OR10R2: variants seen among roughly 807,000 people sequenced by gnomAD.
OR10R2 encodes the protein olfactory receptor family 10 subfamily R member 2, also known as olfactory receptor 10R2.
Under a neutral mutation model 2.4 loss-of-function variants are expected in OR10R2, and 1 was observed. That is an observed-to-expected ratio of 0.41 (90% CI 0.15 to 1.95). The LOEUF is 1.95. Among genes scored for constraint, OR10R2 ranks in the 30% most tolerant of loss-of-function variants. The probability of loss-of-function intolerance (pLI) is 0.30; values close to 1 mark genes in which losing one functional copy is unlikely to be tolerated. For synonymous variants in OR10R2, 166 were observed against 144.8 expected (o/e 1.15, Z -1.05); for missense variants, 419 against 373.0 (o/e 1.12, Z -1.01).
At chr1:158,474,174 C>G (rs1656228268) in intron 1 of OR10R2, among the ~76,000 whole-genome samples, 1 of 151,906 alleles carries the variant, frequency 6.6e-6, no homozygotes, top group Non-Finnish European at 1.5e-5. Context: ...TTTCAACACC[C>G]ACCTTACCAT....
At chr1:158,476,847 T>C (rs1418918146) in intron 1 of OR10R2, among the ~76,000 whole-genome samples, 1 of 152,196 alleles carries the variant, frequency 6.6e-6, no homozygotes, top group Non-Finnish European at 1.5e-5. Flanking sequence ...ATGAGCATTT[T>C]TCATAAGTTT....
At chr1:158,480,262 A>G (rs781351970) in exon 2 of OR10R2, 2 of 1,614,046 alleles carry the variant, frequency 1.2e-6, no homozygotes, top group South Asian at 2.2e-5. Flanking sequence ...TGGTTTTGCC[A>G]TTACCAACTG....
chr1:158,480,194 T>C, exon 2 of OR10R2: 1 of 1,614,096 alleles, frequency 6.2e-7, no homozygotes, highest in Admixed American at 1.7e-5. Context: ...ATCAATCTAC[T>C]TTCTGTGGCC....
At chr1:158,473,790 CTTTCCCTCTCTGCTTCCTT>C (rs1557874992) in intron 1 of OR10R2, among the ~76,000 whole-genome samples, 12 of 53,056 alleles carry the variant, frequency 2.3e-4, no homozygotes, top group South Asian at 1.2e-3. Flanking sequence ...CTCCTTCCCT[CTTTCCCTCTCTGCTTCCTT>C]CCTCCCTCCT....
intron 1 of OR10R2, among the ~76,000 whole-genome samples, chr1:158,479,317 G>T (rs939689622): frequency 6.6e-6 from 1 of 152,134 alleles, no homozygotes; most frequent in Admixed American, 6.6e-5. Context: ...AATTTGGTCA[G>T]AATTGCTCTT....
exon 2 of OR10R2, chr1:158,480,406 C>T: frequency 6.2e-7 from 1 of 1,614,102 alleles, no homozygotes; most frequent in Non-Finnish European, 8.5e-7. Flanking sequence ...CTTGGCCTCT[C>T]TTACAGTAGT....
At chr1:158,480,702 T>C (rs982346684) in exon 2 of OR10R2, 1 of 1,613,408 alleles carries the variant, frequency 6.2e-7, no homozygotes. Flanking sequence ...ATGGCTGTGC[T>C]TCCTTCATCT....
exon 2 of OR10R2, chr1:158,480,608 C>A (rs1355985946): frequency 6.2e-7 from 1 of 1,613,582 alleles, no homozygotes; most frequent in East Asian, 2.2e-5. Context: ...ATTCTGAGGA[C>A]TATCCTGAAG....
intron 1 of OR10R2, among the ~76,000 whole-genome samples, chr1:158,478,687 A>G (rs1158815600): frequency 6.6e-6 from 1 of 152,176 alleles, no homozygotes; most frequent in Non-Finnish European, 1.5e-5. Flanking sequence ...TATTTAAGGC[A>G]TGCTGGACTC....
rs147621561 is a variant in OR10R2 at position 158,480,762 on chromosome 1, G to A, written c.852G>A (p.Thr284=). ...TGTCCAACAAAGACAGGCTGGTGACGGTGACATACACGATTGTCACTCCAT... is the reference window on the plus strand; with the variant it reads ...TGTCCAACAAAGACAGGCTGGTGACAGTGACATACACGATTGTCACTCCAT... The change falls in exon 2 of 2, where the codon ACG becomes ACA. Residue 284 remains threonine (T), a synonymous_variant. Coordinates refer to ENST00000641067, the Ensembl canonical transcript of OR10R2. The A allele has an allele frequency of 5.1e-4, 815 of 1,613,384 alleles. 2 individuals carry two copies. The highest frequency in any genetic ancestry group is 9.9e-4 in the Middle Eastern group (6 of 6,038).
chr1:158,479,593 T>C (rs1339441965), intron 1 of OR10R2, among the ~76,000 whole-genome samples: 1 of 152,196 alleles, frequency 6.6e-6, no homozygotes, highest in African/African-American at 2.4e-5. Flanking sequence ...GAGAATATGT[T>C]AGATTATACA....
chr1:158,474,350 C>G (rs1218705993), intron 1 of OR10R2: 1 of 152,112 alleles, frequency 6.6e-6, no homozygotes, highest in Non-Finnish European at 1.5e-5. Context: ...AAATGAAAAA[C>G]AGAATGAAAC....
At chr1:158,472,799 A>G (rs1484217663) in intron 1 of OR10R2, among the ~76,000 whole-genome samples, 2 of 152,196 alleles carry the variant, frequency 1.3e-5, no homozygotes, top group African/African-American at 4.8e-5. Context: ...TAAGGTCAAG[A>G]AAAAAGAACA....
At chr1:158,472,858 T>A (rs998323792) in intron 1 of OR10R2, among the ~76,000 whole-genome samples, 1 of 152,128 alleles carries the variant, frequency 6.6e-6, no homozygotes, top group South Asian at 2.1e-4. Flanking sequence ...GCACCAGTCT[T>A]AAGAAGGAAT....
At chr1:158,480,501 T>A in exon 2 of OR10R2, 1 of 1,613,670 alleles carries the variant, frequency 6.2e-7, no homozygotes, top group Non-Finnish European at 8.5e-7. Flanking sequence ...TTCTTCTGGC[T>A]TGTACCAACA....
exon 2 of OR10R2, chr1:158,480,737 T>A (rs776636389): frequency 1.2e-6 from 2 of 1,613,292 alleles, no homozygotes; most frequent in Admixed American, 3.3e-5. Context: ...GCAAACTATG[T>A]GTCCAACAAA....
At chr1:158,474,775 A>T (rs547973132) in intron 1 of OR10R2, 10 of 152,316 alleles carry the variant, frequency 6.6e-5, no homozygotes, top group Admixed American at 6.5e-4. Context: ...CAGACTGGGT[A>T]TGCTTTATTT....
exon 2 of OR10R2, chr1:158,480,935 A>G (rs760182849): frequency 1.2e-6 from 1 of 857,712 alleles, no homozygotes; most frequent in Admixed American, 3.0e-5. Context: ...TTTTATCACA[A>G]GCATATTATA....
intron 1 of OR10R2, among the ~76,000 whole-genome samples, chr1:158,478,999 T>C (rs886788733): frequency 4.6e-5 from 7 of 152,252 alleles, no homozygotes; most frequent in African/African-American, 1.7e-4. Flanking sequence ...ATTACAAATA[T>C]AACTGGGCAT....
Sources: allele counts gnomAD v4.1 joint callset (sites outside exome capture counted in the v4.1 genomes callset), GRCh38; gene constraint gnomAD v4.1.1; transcripts MANE v1.5; gene names NCBI Gene and HGNC (gene_info 2026-07-23, HGNC 2026-07-21).